MAGI3: variants seen among roughly 807,000 people sequenced by gnomAD.
MAGI3 encodes the protein membrane associated guanylate kinase, WW and PDZ domain containing 3.
MAGI3 carries 43 observed loss-of-function variants against 121.8 expected under a neutral mutation model. The observed-to-expected ratio is 0.35, with a 90% CI of 0.28 to 0.46. The LOEUF is 0.46. Ranked by LOEUF, MAGI3 falls within the 20% of genes least tolerant of loss-of-function variation. The pLI, the probability that MAGI3 is intolerant of heterozygous loss-of-function variation, is 1.00. For synonymous variants in MAGI3, 553 were observed against 639.3 expected, an observed-to-expected ratio of 0.86 and a Z score of 2.04; for missense variants, 1,547 against 1,797.3, an observed-to-expected ratio of 0.86 and a Z score of 2.52.
chr1:113,666,523 A>G (rs1654050868), intron 16 of MAGI3, among the ~76,000 whole-genome samples: 1 of 152,216 alleles, frequency 6.6e-6, no homozygotes, highest in Admixed American at 6.5e-5. Context: ...TCCCAACTTC[A>G]GGCTCTACTT....
chr1:113,521,773 A>G lies in MAGI3; in HGVS notation c.317-27742A>G, dbSNP rs559062139. 2.0e-5 allele frequency among the ~76,000 whole-genome samples: 3 copies of G among 152,326 alleles called. No homozygotes were observed. The South Asian group carries it at 6.2e-4, about 32-fold the overall frequency. On this transcript the variant is annotated intron_variant, in intron 1 of 20. Coordinates refer to ENST00000307546, the MANE Select transcript of MAGI3 (RefSeq NM_001142782.2). ...TATTTTGAATTTTATATAAAGCTTTATACAAAAAGAAATCAATTATCATAA... is the reference window on the plus strand; with the variant it reads ...TATTTTGAATTTTATATAAAGCTTTGTACAAAAAGAAATCAATTATCATAA...
In MAGI3 at chr1:113,638,349, C is replaced by G. The variant is rs554019634; in HGVS notation, c.1361-3562C>G. On this transcript the variant is annotated intron_variant, in intron 9 of 20. Transcript: ENST00000307546. ...AGTTTTTCTGCTCTGTTCTTTCCCC[C>G]TCTTTGTGGTTTTATCTTCTTTTGT... Among the ~76,000 whole-genome samples the G allele has an allele frequency of 4.6e-5, 7 of 152,312 alleles. No homozygotes were observed. The East Asian group carries it at 1.4e-3, about 29-fold the overall frequency.
At chr1:113,595,432 A>C (rs1190356171) in intron 6 of MAGI3, among the ~76,000 whole-genome samples, 2 of 152,258 alleles carry the variant, frequency 1.3e-5, no homozygotes, top group Non-Finnish European at 2.9e-5. Flanking sequence ...TTTTTGTATT[A>C]CTAATCAGAA....
intron 3 of MAGI3, among the ~76,000 whole-genome samples, chr1:113,584,891 CT>C (rs1648257204): frequency 6.6e-6 from 1 of 151,410 alleles, no homozygotes; most frequent in South Asian, 2.1e-4. Context: ...GTTCTTTCCC[CT>C]ATTTCTGCTC....
intron 1 of MAGI3, among the ~76,000 whole-genome samples, chr1:113,529,182 C>T (rs1301098264): frequency 2.6e-5 from 4 of 152,106 alleles, no homozygotes; most frequent in African/African-American, 9.7e-5. Flanking sequence ...TTATTCATTT[C>T]TAGTTTAGCC....
At chr1:113,405,269 G>A (rs1651611200) in intron 1 of MAGI3, among the ~76,000 whole-genome samples, 1 of 152,030 alleles carries the variant, frequency 6.6e-6, no homozygotes, top group African/African-American at 2.4e-5. Context: ...GAGCCCAGGA[G>A]TTCAAGACCA....
At chr1:113,493,303 G>A (rs1261958057) in intron 1 of MAGI3, among the ~76,000 whole-genome samples, 1 of 152,102 alleles carries the variant, frequency 6.6e-6, no homozygotes, top group Non-Finnish European at 1.5e-5. Context: ...AGATTCCCTA[G>A]TTAATAAATG....
chr1:113,521,981 C>T (rs760871934), intron 1 of MAGI3, among the ~76,000 whole-genome samples: 2 of 152,178 alleles, frequency 1.3e-5, no homozygotes, highest in Non-Finnish European at 2.9e-5. Flanking sequence ...TCAGAGTCTT[C>T]TATCATGCCC....
intron 6 of MAGI3, among the ~76,000 whole-genome samples, chr1:113,606,108 G>A (rs1649759144): frequency 6.6e-6 from 1 of 152,002 alleles, no homozygotes; most frequent in Non-Finnish European, 1.5e-5. Context: ...TAGGACTACA[G>A]GCTCATGCCA....
intron 1 of MAGI3, among the ~76,000 whole-genome samples, chr1:113,533,276 C>T (rs1282026106): frequency 1.3e-5 from 2 of 152,150 alleles, no homozygotes; most frequent in Non-Finnish European, 2.9e-5. Flanking sequence ...AAAATCATGT[C>T]CTTTGCAGCA....
At chr1:113,430,289 C>T (rs142936306) in intron 1 of MAGI3, among the ~76,000 whole-genome samples, 2 of 152,256 alleles carry the variant, frequency 1.3e-5, no homozygotes, top group East Asian at 3.9e-4. Context: ...CAAGGCCTGG[C>T]ACATACTAGG....
At chr1:113,401,050 G>A (rs1452279378) in intron 1 of MAGI3, among the ~76,000 whole-genome samples, 1 of 151,976 alleles carries the variant, frequency 6.6e-6, no homozygotes, top group African/African-American at 2.4e-5. Context: ...TAGCATTCAT[G>A]TTTTCTTATA....
intron 1 of MAGI3, among the ~76,000 whole-genome samples, chr1:113,438,702 G>T (rs561204293): frequency 6.6e-6 from 1 of 152,170 alleles, no homozygotes; most frequent in Admixed American, 6.5e-5. Flanking sequence ...TAGCTCTTAC[G>T]TAAACTAATA....
At chr1:113,585,246 G>A (rs922144755) in intron 3 of MAGI3, 141 bp from the exon 4 acceptor site, 10 of 717,330 alleles carry the variant, frequency 1.4e-5, no homozygotes, top group Non-Finnish European at 2.1e-5. Context: ...GGGATTACAA[G>A]TGTGAGCCAC....
At chr1:113,566,978 G>GA (rs549277395) in intron 2 of MAGI3, among the ~76,000 whole-genome samples, 219 of 145,590 alleles carry the variant, frequency 1.5e-3, no homozygotes, top group African/African-American at 5.3e-3. Context: ...TAAAAAAAAA[G>GA]AAAAAAATCA....
chr1:113,631,630 G>T (rs1206683844), intron 9 of MAGI3, among the ~76,000 whole-genome samples: 3 of 151,828 alleles, frequency 2.0e-5, no homozygotes, highest in Non-Finnish European at 4.4e-5. Flanking sequence ...GATACTTTTG[G>T]AGCAAACATT....
chr1:113,635,023 G>A (rs1332844071), intron 9 of MAGI3, among the ~76,000 whole-genome samples: 1 of 152,014 alleles, frequency 6.6e-6, no homozygotes, highest in Non-Finnish European at 1.5e-5. Flanking sequence ...CTCATGATTT[G>A]GCTCTCTGTT....
chr1:113,490,936 A>T (rs1044055589), intron 1 of MAGI3, among the ~76,000 whole-genome samples: 13 of 152,226 alleles, frequency 8.5e-5, no homozygotes, highest in Non-Finnish European at 1.5e-4. Flanking sequence ...TAATAGTGGG[A>T]AAGTTTAATA....
chr1:113,628,543 T>G (rs1298180736), intron 9 of MAGI3, among the ~76,000 whole-genome samples: 1 of 152,164 alleles, frequency 6.6e-6, no homozygotes, highest in East Asian at 1.9e-4. Flanking sequence ...TTATTGCTCG[T>G]TAATGTCCTT....
Sources: allele counts gnomAD v4.1 joint callset (sites outside exome capture counted in the v4.1 genomes callset), GRCh38; gene constraint gnomAD v4.1.1; transcripts MANE v1.5; gene names NCBI Gene and HGNC (gene_info 2026-07-23, HGNC 2026-07-21).